Variants in COL19A1 observed in about 807,000 individuals in gnomAD.
COL19A1 encodes collagen type XIX alpha 1 chain.
Under a neutral mutation model 190.2 loss-of-function variants are expected in COL19A1, and 159 were observed. That is an observed-to-expected ratio of 0.84 (90% CI 0.73 to 0.95). COL19A1 has a LOEUF of 0.95. Ranked by LOEUF, COL19A1 falls within the 40% of genes least tolerant of loss-of-function variation. The pLI is 0.00. For missense variants in COL19A1, 1,418 were observed against 1,431.9 expected (o/e 0.99, Z 0.16); for synonymous variants, 509 against 458.9 (o/e 1.11, Z -1.39).
intron 36 of COL19A1, among the ~76,000 whole-genome samples, chr6:70,165,423 T>C (rs1765088416): frequency 6.6e-6 from 1 of 152,176 alleles, no homozygotes. Context: ...AAGTCAGATA[T>C]TAACGTAGGA....
At chr6:69,954,282 G>A (rs947495283) in intron 9 of COL19A1, among the ~76,000 whole-genome samples, 2 of 151,940 alleles carry the variant, frequency 1.3e-5, no homozygotes, top group African/African-American at 4.8e-5. Context: ...CTGCTAAAAT[G>A]TGAGCTCCTG....
chr6:70,028,000 C>T (rs1778819318), intron 12 of COL19A1, among the ~76,000 whole-genome samples: 1 of 152,030 alleles, frequency 6.6e-6, no homozygotes, highest in African/African-American at 2.4e-5. Flanking sequence ...TTTCAATATC[C>T]TCTCTGTGCC....
At chr6:70,098,358 A>G (rs1562170601) in intron 15 of COL19A1, 2 of 479,840 alleles carry the variant, frequency 4.2e-6, no homozygotes, top group South Asian at 3.1e-5. Context: ...AAAAAACAGA[A>G]CATTTATTGT....
chr6:70,190,493 T>TTTATG, intron 48 of COL19A1, 112 bp downstream of exon 48: 2 of 701,874 alleles, frequency 2.8e-6, no homozygotes, highest in South Asian at 3.6e-5. Flanking sequence ...ACAAAAACCT[T>TTTATG]AAGGGGCAGC....
At chr6:69,880,713 C>T (rs922769829) in intron 2 of COL19A1, among the ~76,000 whole-genome samples, 1 of 152,070 alleles carries the variant, frequency 6.6e-6, no homozygotes, top group Non-Finnish European at 1.5e-5. Flanking sequence ...TGTTATTGTA[C>T]AAAAGACATC....
At chr6:69,924,446 G>T (rs1487390017) in intron 4 of COL19A1, among the ~76,000 whole-genome samples, 1 of 152,118 alleles carries the variant, frequency 6.6e-6, no homozygotes, top group Non-Finnish European at 1.5e-5. Context: ...CATTTTTTAT[G>T]GCTGCATAGT....
At chr6:69,949,491 A>G (rs942014323) in intron 9 of COL19A1, among the ~76,000 whole-genome samples, 1 of 151,956 alleles carries the variant, frequency 6.6e-6, no homozygotes, top group Non-Finnish European at 1.5e-5. Context: ...TTACTAGCGT[A>G]TTATCTAACA....
intron 40 of COL19A1, among the ~76,000 whole-genome samples, chr6:70,169,428 A>C (rs802178): frequency 0.76 from 115,943 of 152,118 alleles, 45,045 homozygotes; most frequent in African/African-American, 0.91. Flanking sequence ...AATTTTCAAA[A>C]CACTTTCCAT....
intron 4 of COL19A1, among the ~76,000 whole-genome samples, chr6:69,911,796 G>A (rs1024821539): frequency 2.6e-5 from 4 of 151,986 alleles, no homozygotes; most frequent in African/African-American, 9.7e-5. Flanking sequence ...CCTGCTCTTG[G>A]GTCTTCAGTG....
intron 15 of COL19A1, among the ~76,000 whole-genome samples, chr6:70,088,208 C>A (rs955063626): frequency 6.6e-6 from 1 of 152,124 alleles, no homozygotes; most frequent in Non-Finnish European, 1.5e-5. Flanking sequence ...GTATATATTT[C>A]TCTTAAATGC....
chr6:69,997,000 T>C (rs1776948648), intron 11 of COL19A1, among the ~76,000 whole-genome samples: 1 of 129,150 alleles, frequency 7.7e-6, no homozygotes, highest in African/African-American at 3.4e-5. Context: ...TATGTGTGTG[T>C]GTGTTTATAT....
chr6:69,982,877 C>A (rs1265237255), intron 11 of COL19A1, among the ~76,000 whole-genome samples: 1 of 151,414 alleles, frequency 6.6e-6, no homozygotes, highest in South Asian at 2.1e-4. Flanking sequence ...GAGGCTGAGG[C>A]AGGAGAATGG....
At chr6:70,060,970 A>G (rs1260273254) in intron 14 of COL19A1, among the ~76,000 whole-genome samples, 1 of 152,092 alleles carries the variant, frequency 6.6e-6, no homozygotes, top group East Asian at 1.9e-4. Flanking sequence ...CAAAACCAGA[A>G]TAAGGAAGAA....
intron 4 of COL19A1, among the ~76,000 whole-genome samples, chr6:69,923,559 C>A (rs574844945): frequency 1.3e-5 from 2 of 152,282 alleles, no homozygotes; most frequent in South Asian, 4.1e-4. Flanking sequence ...TTTAATATTG[C>A]AGCTGCCTGA....
chr6:70,157,327 A>C (rs1342910439), intron 34 of COL19A1, among the ~76,000 whole-genome samples: 8 of 152,088 alleles, frequency 5.3e-5, no homozygotes, highest in African/African-American at 1.9e-4. Flanking sequence ...TAATTTTCTG[A>C]CTGTAAGCCA....
At chr6:70,203,166 T>G (rs1425460411) in intron 49 of COL19A1, among the ~76,000 whole-genome samples, 1 of 152,170 alleles carries the variant, frequency 6.6e-6, no homozygotes, top group African/African-American at 2.4e-5. Flanking sequence ...TCATTTAAAC[T>G]TCTTCTCAAA....
intron 6 of COL19A1, among the ~76,000 whole-genome samples, chr6:69,930,162 C>T (rs890346600): frequency 1.3e-5 from 2 of 151,970 alleles, no homozygotes; most frequent in Non-Finnish European, 2.9e-5. Context: ...TTTTTATAAG[C>T]GTATAATGGT....
rs1562006084 is a variant in COL19A1, at chr6:69,927,907, A to G, written c.267-2A>G. 2.5e-6 allele frequency: 4 copies of G among 1,603,080 alleles called. No homozygotes were observed. Among genetic ancestry groups the G allele is most frequent in the Non-Finnish European group, 3.4e-6 (4 of 1,173,370 alleles). On this transcript the variant is annotated splice_acceptor_variant, in intron 4 of 50. Transcript: ENST00000620364. LOFTEE classifies it high-confidence loss of function. ...CAAAAGTTCTTTGTTTTCCTCCCAC[A>G]GTAAGATATTTCCCAAAGGCCTTCC...
chr6:69,929,306 A>G (rs910578576), intron 5 of COL19A1, 119 bp from the exon 6 acceptor site: 1 of 962,802 alleles, frequency 1.0e-6, no homozygotes, highest in Non-Finnish European at 1.5e-6. Flanking sequence ...AGTGTCATCT[A>G]AAATATTTTA....
Sources: allele counts gnomAD v4.1 joint callset (sites outside exome capture counted in the v4.1 genomes callset), GRCh38; gene constraint gnomAD v4.1.1; transcripts MANE v1.5; gene names NCBI Gene and HGNC (gene_info 2026-07-23, HGNC 2026-07-21).